Variants in GJA1 observed in about 807,000 individuals in gnomAD.
The protein encoded by GJA1 is gap junction protein alpha 1, also known as gap junction alpha-1 protein.
A neutral mutation model predicts 31.0 loss-of-function variants in GJA1; 9 were observed. The observed-to-expected ratio is 0.29, with a 90% CI of 0.17 to 0.51. The LOEUF (loss-of-function observed/expected upper bound fraction) is 0.51, where lower values mean the gene tolerates loss of function less well. Ranked by LOEUF, GJA1 falls within the 20% of genes least tolerant of loss-of-function variation. The probability of loss-of-function intolerance (pLI) is 0.98; values close to 1 mark genes in which losing one functional copy is unlikely to be tolerated. For synonymous variants in GJA1, 186 were observed against 180.1 expected (o/e 1.03, Z -0.26); for missense variants, 278 against 468.8 (o/e 0.59, Z 3.76).
chr6:121,435,977 T>C (rs1773655006), intron 1 of GJA1, 145 bp downstream of exon 1: 2 of 152,134 alleles, frequency 1.3e-5, no homozygotes, highest in African/African-American at 4.8e-5. Flanking sequence ...GTTTCTATAG[T>C]TTTAAAGTTA....
At position 121,446,952 on chromosome 6, in the gene GJA1, G is replaced by T; in HGVS notation, c.105G>T (p.Leu35=). The T allele has an allele frequency of 6.2e-7, 1 of 1,614,128 alleles. No individual in the cohort carries two copies. Among genetic ancestry groups the T allele is most frequent in the South Asian group, 1.1e-5 (1 of 91,080 alleles). Residue 35 remains leucine, a synonymous_variant, in exon 2 of 2, where the codon CTG becomes CTT. Coordinates refer to ENST00000282561, the MANE Select transcript of GJA1 (RefSeq NM_000165.5). ...WLSVLFIFRI[L]LLGTAVESAW... ...CAGTACTTTTCATTTTCCGAATCCT[G>T]CTGCTGGGGACAGCGGTTGAGTCAG... is the stretch of plus-strand genomic sequence containing the variant.
chr6:121,443,910 TG>T (rs1773840450), intron 1 of GJA1, among the ~76,000 whole-genome samples: 1 of 152,228 alleles, frequency 6.6e-6, no homozygotes, highest in African/African-American at 2.4e-5. Context: ...CAGATGACAC[TG>T]GCAAAATACT....
At chr6:121,436,303 C>A (rs1444760804) in intron 1 of GJA1, among the ~76,000 whole-genome samples, 1 of 151,386 alleles carries the variant, frequency 6.6e-6, no homozygotes, top group East Asian at 1.9e-4. Context: ...GAATAAAGTG[C>A]TTTTTTCATA....
intron 1 of GJA1, among the ~76,000 whole-genome samples, chr6:121,444,942 C>T (rs969300095): frequency 3.3e-5 from 5 of 152,198 alleles, no homozygotes; most frequent in African/African-American, 9.7e-5. Context: ...CTAGCTTTAG[C>T]GCAGCCTTAC....
In GJA1 at chr6:121,449,723, A is replaced by G. The variant is rs1352346134; in HGVS notation, c.*1727A>G. On this transcript the variant is annotated 3_prime_UTR_variant, in exon 2 of 2. Transcript: ENST00000282561. Reference sequence around the variant, plus strand: ...TCAATAAAGTTTTAATTTAGTATAAACATAGCTTCTATATTCCGTGTGATT... The same window carrying G: ...TCAATAAAGTTTTAATTTAGTATAAGCATAGCTTCTATATTCCGTGTGATT... 1 of 167,002 alleles carries G rather than the reference A, an allele frequency of 6.0e-6. No individual in the cohort carries two copies. The highest frequency in any genetic ancestry group is 2.4e-5 in the African/African-American group (1 of 41,438). The allele number at this position is 167,002 out of a possible 1,614,324, so 10.3% of individuals were successfully genotyped here.
rs17653265 is a variant in GJA1, at chr6:121,447,605, C to T, written c.758C>T (p.Ala253Val). 21,279 of 1,613,562 alleles carry T rather than the reference C, an allele frequency of 0.013. 209 individuals are homozygous for T. Among genetic ancestry groups the T allele is most frequent in the Non-Finnish European group, 0.016 (19,390 of 1,179,824 alleles). The change falls in exon 2 of 2, where the codon GCG becomes GTG. Residue 253 changes from alanine to valine, a missense_variant. Ala to Val is a moderately conservative substitution (Grantham distance 64). This residue lies in a region of GJA1 where 172 missense variants were observed against 190.9 expected (regional missense o/e 0.90). Transcript: ENST00000282561. ...KSDPYHATSG[A>V]LSPAKDCGSQ... ...GACCCTTACCATGCGACCAGTGGTG[C>T]GCTGAGCCCTGCCAAAGACTGTGGG...
rs756914391 is a variant in GJA1, at chr6:121,447,824, C to T, written c.977C>T (p.Thr326Ile). 1.9e-6 allele frequency: 3 copies of T among 1,613,766 alleles called. No homozygotes were observed. Among genetic ancestry groups the T allele is most frequent in the East Asian group, 4.5e-5 (2 of 44,882 alleles). Residue 326 changes from threonine (T) to isoleucine (I), a missense_variant, in exon 2 of 2, where the codon ACC becomes ATC. Transcript: ENST00000282561. ...AATCGAATGGGGCAGGCGGGAAGCACCATCTCTAACTCCCATGCACAGCCT... is the reference window on the plus strand; with the variant it reads ...AATCGAATGGGGCAGGCGGGAAGCATCATCTCTAACTCCCATGCACAGCCT... The part of the protein sequence containing the change: ...EQNRMGQAGS[T>I]ISNSHAQPFD...
chr6:121,448,450 G>C lies in GJA1; in HGVS notation c.*454G>C, dbSNP rs555726181. 1.4e-5 allele frequency: 3 copies of C among 212,758 alleles called. No individual in the cohort carries two copies. The East Asian group carries it at 3.5e-4, about 25-fold the overall frequency. The allele number at this position is 212,758 out of a possible 1,614,324, so 13.2% of individuals were successfully genotyped here. A position where few individuals can be genotyped will look rare whatever the true frequency, so the allele number is the denominator to read the frequency against. On this transcript the variant is annotated 3_prime_UTR_variant, in exon 2 of 2. Transcript: ENST00000282561. ...TCTTTTCAACAAGAAAAAGACAGAG[G>C]ATTGTCCTTAAGTCCCTGCTAAAAC...
chr6:121,438,407 C>T (rs568105647), intron 1 of GJA1, among the ~76,000 whole-genome samples: 1 of 152,326 alleles, frequency 6.6e-6, no homozygotes, highest in South Asian at 2.1e-4. Flanking sequence ...AGATAAAAGG[C>T]TGTGCTTTCA....
In GJA1 at chr6:121,442,859, C is replaced by T. The variant is rs549972742; in HGVS notation, c.-16-3973C>T. Among the ~76,000 whole-genome samples the T allele has an allele frequency of 7.2e-5, 11 of 152,250 alleles. No homozygotes were observed. In the South Asian group the frequency reaches 8.3e-4, roughly 11 times the overall value. On this transcript the variant is annotated intron_variant, in intron 1 of 1. Coordinates refer to ENST00000282561, the MANE Select transcript of GJA1 (RefSeq NM_000165.5). ...AATGTAATCTAACATGGTGCATAGACGGCAAAAAGCGTGGTCCAGCTGCTA... is the reference window on the plus strand; with the variant it reads ...AATGTAATCTAACATGGTGCATAGATGGCAAAAAGCGTGGTCCAGCTGCTA...
Position 121,436,189 on chromosome 6 carries a change from G to GGGGA in GJA1, c.-17+360_-17+361insAGGG, listed in dbSNP as rs1562170296. 2.1e-4 allele frequency among the ~76,000 whole-genome samples: 26 copies of GGGGA among 122,888 alleles called. 2 individuals carry two copies. Among genetic ancestry groups the GGGGA allele is most frequent in the African/African-American group, 7.7e-4 (25 of 32,320 alleles). 80.6% of individuals were successfully genotyped at this position (122,888 alleles called of 152,430 possible). On this transcript the variant is annotated intron_variant, in intron 1 of 1. Coordinates refer to ENST00000282561, the MANE Select transcript of GJA1 (RefSeq NM_000165.5). ...AGGTGCTATCATTTGTTGGGTGGGGGGGGGGCGGTTAGGCGCCTGGGTTGG... is the reference window on the plus strand; with the variant it reads ...AGGTGCTATCATTTGTTGGGTGGGGGGGGAGGGGGCGGTTAGGCGCCTGGGTTGG...
chr6:121,438,482 C>T (rs1284509325), intron 1 of GJA1, among the ~76,000 whole-genome samples: 5 of 152,064 alleles, frequency 3.3e-5, no homozygotes, highest in African/African-American at 9.7e-5. Context: ...AGGGAAAACA[C>T]GGGGTGCATT....
intron 1 of GJA1, among the ~76,000 whole-genome samples, chr6:121,442,453 A>T (rs1040528472): frequency 1.3e-5 from 2 of 152,230 alleles, no homozygotes; most frequent in Non-Finnish European, 2.9e-5. Context: ...AAGGAGTGAC[A>T]AGGGGCTGTG....
In GJA1 at chr6:121,442,208, C is replaced by T. The variant is rs1175653410; in HGVS notation, c.-16-4624C>T. Among the ~76,000 whole-genome samples the T allele has an allele frequency of 2.0e-5, 3 of 152,130 alleles. No individual in the cohort carries two copies. In the East Asian group the frequency reaches 5.8e-4, roughly 29 times the overall value. ...CCTTTATTTAAGTCTCCATTCTCAA[C>T]TCATTACATTTGTCTCTTCTTGAGA... On this transcript the variant is annotated intron_variant, in intron 1 of 1. Transcript: ENST00000282561.
intron 1 of GJA1, among the ~76,000 whole-genome samples, chr6:121,445,138 T>C (rs1038511574): frequency 6.6e-6 from 1 of 152,232 alleles, no homozygotes; most frequent in Admixed American, 6.5e-5. Flanking sequence ...TTGGGGATTC[T>C]TGTTGGTTTC....
At chr6:121,441,314 C>T (rs191089963) in intron 1 of GJA1, among the ~76,000 whole-genome samples, 1 of 152,164 alleles carries the variant, frequency 6.6e-6, no homozygotes, top group Non-Finnish European at 1.5e-5. Context: ...ATCTCAAACT[C>T]TTGACCTCAG....
rs759510089 is a variant in GJA1 at position 121,447,678 on chromosome 6, C to T, written c.831C>T (p.Pro277=). The stretch of plus-strand genomic sequence containing the variant: ...ATGGCTGCTCCTCACCAACCGCTCC[C>T]CTCTCGCCTATGTCTCCTCCTGGGT... The part of the protein sequence containing the change: ...YFNGCSSPTA[P]LSPMSPPGYK... The change falls in exon 2 of 2, where the codon CCC becomes CCT. Residue 277 remains proline (P), a synonymous_variant. Coordinates refer to ENST00000282561, the MANE Select transcript of GJA1 (RefSeq NM_000165.5). The T allele has an allele frequency of 1.7e-5, 27 of 1,613,988 alleles. No individual in the cohort carries two copies. The highest frequency in any genetic ancestry group is 2.3e-5 in the Non-Finnish European group (27 of 1,180,036).
intron 1 of GJA1, among the ~76,000 whole-genome samples, chr6:121,442,317 C>T (rs1420648996): frequency 2.0e-5 from 3 of 152,210 alleles, no homozygotes; most frequent in South Asian, 2.1e-4. Flanking sequence ...ACTGCAACTT[C>T]GGCACATGCT....
intron 1 of GJA1, among the ~76,000 whole-genome samples, chr6:121,442,677 A>G (rs943126915): frequency 1.3e-5 from 2 of 152,264 alleles, no homozygotes; most frequent in Non-Finnish European, 2.9e-5. Context: ...AGATTCATTC[A>G]GACTGGTGAA....
Sources: gnomAD v4.1 joint callset for allele counts (sites outside exome capture counted in the v4.1 genomes callset) on GRCh38, gnomAD v4.1.1 for gene constraint, gnomAD v4.1.1 regional missense constraint, MANE v1.5 for transcripts, NCBI Gene and HGNC (gene_info 2026-07-23, HGNC 2026-07-21) for gene names.